The following CNTN4 variants were observed in gnomAD, a reference collection of about 807,000 sequenced individuals.
CNTN4 encodes contactin-4.
CNTN4 carries 77 observed loss-of-function variants against 122.5 expected under a neutral mutation model. The ratio of observed to expected loss-of-function variants is 0.63; its 90% CI spans 0.52 to 0.76. CNTN4 has a LOEUF of 0.76. Among genes scored for constraint, CNTN4 ranks in the 30% least tolerant of loss-of-function variants. The pLI is 0.00. For missense variants in CNTN4, 1,256 were observed against 1,259.1 expected, an observed-to-expected ratio of 1.00 and a Z score of 0.04; for synonymous variants, 512 against 447.0, an observed-to-expected ratio of 1.15 and a Z score of -1.83.
At chr3:2,865,420 C>T (rs1012092507) in intron 7 of CNTN4, among the ~76,000 whole-genome samples, 1 of 152,180 alleles carries the variant, frequency 6.6e-6, no homozygotes, top group African/African-American at 2.4e-5. Flanking sequence ...AGCGTTCTCT[C>T]TACAAAACTG....
At chr3:2,220,087 CCTT>C (rs2039002408) in intron 2 of CNTN4, among the ~76,000 whole-genome samples, 1 of 152,130 alleles carries the variant, frequency 6.6e-6, no homozygotes, top group African/African-American at 2.4e-5. Flanking sequence ...AGTGTTTTCT[CCTT>C]CTGGTATACT....
chr3:2,288,912 A>C (rs2042037355), intron 2 of CNTN4, among the ~76,000 whole-genome samples: 2 of 152,164 alleles, frequency 1.3e-5, no homozygotes, highest in Admixed American at 6.5e-5. Context: ...AAGAAATTCC[A>C]AGGAATAGAG....
chr3:2,582,802 T>G (rs2080003665), intron 4 of CNTN4, among the ~76,000 whole-genome samples: 1 of 151,536 alleles, frequency 6.6e-6, no homozygotes, highest in Non-Finnish European at 1.5e-5. Context: ...CTGCCAAACC[T>G]CCTGGTGGCC....
chr3:2,279,301 A>G (rs1233877554), intron 2 of CNTN4, among the ~76,000 whole-genome samples: 1 of 152,204 alleles, frequency 6.6e-6, no homozygotes, highest in Non-Finnish European at 1.5e-5. Flanking sequence ...GAGAGATCCT[A>G]CTATTTCCAT....
intron 3 of CNTN4, among the ~76,000 whole-genome samples, chr3:2,455,749 T>G (rs1193235658): frequency 6.6e-6 from 1 of 152,054 alleles, no homozygotes; most frequent in Non-Finnish European, 1.5e-5. Flanking sequence ...TGTGTCTTAT[T>G]GAGCAGAGAT....
At chr3:2,960,194 A>G (rs2094838789) in intron 13 of CNTN4, among the ~76,000 whole-genome samples, 1 of 152,186 alleles carries the variant, frequency 6.6e-6, no homozygotes, top group Non-Finnish European at 1.5e-5. Context: ...GGTTTGAGAT[A>G]ATTCCCTGGA....
chr3:2,647,078 C>T (rs1424718772), intron 4 of CNTN4, among the ~76,000 whole-genome samples: 1 of 152,064 alleles, frequency 6.6e-6, no homozygotes, highest in African/African-American at 2.4e-5. Context: ...TATCTGTGTA[C>T]TTAAGGTATT....
chr3:2,634,380 A>G (rs1245599351), intron 4 of CNTN4, among the ~76,000 whole-genome samples: 1 of 152,218 alleles, frequency 6.6e-6, no homozygotes, highest in Non-Finnish European at 1.5e-5. Flanking sequence ...GCAAATAAGT[A>G]TTCCTTCCTA....
chr3:2,205,992 G>T (rs1182556261), intron 2 of CNTN4, among the ~76,000 whole-genome samples: 1 of 152,128 alleles, frequency 6.6e-6, no homozygotes, highest in South Asian at 2.1e-4. Context: ...GCAAATACTC[G>T]GAAGGGTATT....
At chr3:2,517,335 A>G (rs1329078215) in intron 3 of CNTN4, among the ~76,000 whole-genome samples, 1 of 152,120 alleles carries the variant, frequency 6.6e-6, no homozygotes, top group Non-Finnish European at 1.5e-5. Context: ...TGGAAACTAT[A>G]TAGCAGTTTT....
intron 2 of CNTN4, among the ~76,000 whole-genome samples, chr3:2,322,106 T>C (rs1559451201): frequency 6.6e-6 from 1 of 152,204 alleles, no homozygotes; most frequent in African/African-American, 2.4e-5. Flanking sequence ...TAGGATTGTC[T>C]GTATGATAAA....
intron 7 of CNTN4, among the ~76,000 whole-genome samples, chr3:2,831,087 A>G (rs2093094717): frequency 6.6e-6 from 1 of 152,214 alleles, no homozygotes; most frequent in Non-Finnish European, 1.5e-5. Context: ...GACATTAGGA[A>G]CAAAATAACT....
intron 3 of CNTN4, among the ~76,000 whole-genome samples, chr3:2,376,438 C>G (rs2150715439): frequency 6.6e-6 from 1 of 152,190 alleles, no homozygotes; most frequent in Non-Finnish European, 1.5e-5. Flanking sequence ...TGACTTTTCC[C>G]TTTTGGGCAG....
At position 2,988,608 on chromosome 3, in the gene CNTN4, CATGAT is replaced by C. The variant is rs1299891867; in HGVS notation, c.1486+142_1486+146del. 3.4e-6 allele frequency: 3 copies of C among 881,404 alleles called. No individual in the cohort carries two copies. In the African/African-American group the frequency reaches 5.0e-5, roughly 15 times the overall value. 54.6% of individuals were successfully genotyped at this position (881,404 alleles called of 1,614,324 possible). ...TGCTAAATTAATTCATCACGGCAAA[CATGAT>C]ATGATTAATAATTCTTAGAAAACTG... On this transcript the variant is annotated intron_variant, in intron 14 of 24. Coordinates refer to ENST00000418658, the MANE Select transcript of CNTN4 (RefSeq NM_175607.3).
intron 13 of CNTN4, among the ~76,000 whole-genome samples, chr3:2,949,324 A>G (rs2094712621): frequency 1.3e-5 from 2 of 152,138 alleles, no homozygotes; most frequent in African/African-American, 2.4e-5. Context: ...CTGAATTCCT[A>G]CTGGATTCAT....
At chr3:2,340,335 T>G (rs2150358478) in intron 3 of CNTN4, among the ~76,000 whole-genome samples, 1 of 152,198 alleles carries the variant, frequency 6.6e-6, no homozygotes, top group Non-Finnish European at 1.5e-5. Flanking sequence ...TGCTGTTTAT[T>G]TTAATGATAT....
At chr3:2,223,638 T>C (rs924373833) in intron 2 of CNTN4, among the ~76,000 whole-genome samples, 3 of 152,196 alleles carry the variant, frequency 2.0e-5, no homozygotes, top group Non-Finnish European at 4.4e-5. Context: ...GGCTGGCATC[T>C]GGGATCGTGG....
intron 3 of CNTN4, among the ~76,000 whole-genome samples, chr3:2,503,440 A>G (rs569109042): frequency 3.3e-5 from 5 of 152,274 alleles, no homozygotes; most frequent in Admixed American, 1.3e-4. Flanking sequence ...TATTATAGCT[A>G]TCATTCATTG....
intron 2 of CNTN4, among the ~76,000 whole-genome samples, chr3:2,303,147 G>A (rs565722380): frequency 1.3e-5 from 2 of 152,254 alleles, no homozygotes; most frequent in East Asian, 3.9e-4. Context: ...AATCATTCCA[G>A]ATTTCCTAAG....
Sources: gnomAD v4.1 joint callset for allele counts (sites outside exome capture counted in the v4.1 genomes callset) on GRCh38, gnomAD v4.1.1 for gene constraint, MANE v1.5 for transcripts, NCBI Gene and HGNC (gene_info 2026-07-23, HGNC 2026-07-21) for gene names.